Variants in NLRP5 observed in about 807,000 individuals in gnomAD.
NLRP5 encodes NACHT, LRR and PYD domains-containing protein 5.
A neutral mutation model predicts 113.1 loss-of-function variants in NLRP5; 93 were observed. The observed-to-expected ratio is 0.82, with a 90% CI of 0.70 to 0.98. NLRP5 has a LOEUF of 0.98. NLRP5 is among the 50% of genes least tolerant of loss of function. NLRP5 has a pLI of 0.00. For synonymous variants in NLRP5, 751 were observed against 600.7 expected (o/e 1.25, Z -3.66); for missense variants, 1,808 against 1,514.3 (o/e 1.19, Z -3.22).
chr19:56,009,339 C>CAAAAAAAAAAAAA lies in NLRP5; in HGVS notation c.508+494_508+506dup, dbSNP rs71296979. 4.9e-3 allele frequency among the ~76,000 whole-genome samples: 217 copies of CAAAAAAAAAAAAA among 44,260 alleles called. 29 individuals are homozygous for CAAAAAAAAAAAAA. The highest frequency in any genetic ancestry group is 0.012 in the African/African-American group (138 of 11,512). 29.0% of individuals were successfully genotyped at this position (44,260 alleles called of 152,430 possible). ...TGGGCGACAGAACGAGACTCCATCT[C>CAAAAAAAAAAAAA]AAAAAAAAAAAAAAAAAAAAGAGTT... On this transcript the variant is annotated intron_variant, in intron 3 of 14. Transcript: ENST00000390649.
At position 56,012,654 on chromosome 19, in the gene NLRP5, C is replaced by T. The variant is rs554493596; in HGVS notation, c.509-3088C>T. 7.8e-3 allele frequency among the ~76,000 whole-genome samples: 543 copies of T among 69,288 alleles called. 5 individuals carry two copies. The highest frequency in any genetic ancestry group is 0.024 in the African/African-American group (519 of 21,544). The allele number at this position is 69,288 out of a possible 152,430, so 45.5% of individuals were successfully genotyped here. On this transcript the variant is annotated intron_variant, in intron 3 of 14. Coordinates refer to ENST00000390649, the MANE Select transcript of NLRP5 (RefSeq NM_153447.4). ...TGTCTTACTTTTGCATAATTTGGAA[C>T]GATCTTACAATTATTTTCCTTGGAA...
chr19:56,055,788 G>C (rs1441048250), intron 13 of NLRP5, among the ~76,000 whole-genome samples: 2 of 151,860 alleles, frequency 1.3e-5, no homozygotes, highest in South Asian at 4.2e-4. Flanking sequence ...CTCATGATCT[G>C]CCCGCCTTGG....
Position 56,033,578 on chromosome 19 carries a change from C to T in NLRP5, c.2484C>T (p.His828=). ...CACAGATTACCCCTGGTGTGCAGCA[C>T]CTCTGGAGAATCGTCATGGCCAACC... Residue 828 remains histidine, a synonymous_variant, in exon 9 of 15, where the codon CAC becomes CAT. Transcript: ENST00000390649. 1 of 1,613,850 alleles carries T rather than the reference C, an allele frequency of 6.2e-7. No individual in the cohort carries two copies. The highest frequency in any genetic ancestry group is 8.5e-7 in the Non-Finnish European group (1 of 1,179,788).
At chr19:56,037,637 G>A (rs966200228) in intron 9 of NLRP5, among the ~76,000 whole-genome samples, 1 of 149,474 alleles carries the variant, frequency 6.7e-6, no homozygotes, top group African/African-American at 2.5e-5. Flanking sequence ...AGATTGCAGT[G>A]AGCCAAGATT....
At chr19:56,007,900 C>CGTGCGTGTGT (rs1212386693) in intron 2 of NLRP5, among the ~76,000 whole-genome samples, 1 of 79,424 alleles carries the variant, frequency 1.3e-5, no homozygotes, top group South Asian at 4.1e-4. Context: ...CGCGTGCGCG[C>CGTGCGTGTGT]GTGCGTGTGT....
intron 3 of NLRP5, among the ~76,000 whole-genome samples, chr19:56,012,447 C>G (rs1488682803): frequency 1.0e-5 from 1 of 97,110 alleles, no homozygotes; most frequent in Admixed American, 1.3e-4. Flanking sequence ...TGCGCCTTGG[C>G]CTTTTTTTTT....
intron 11 of NLRP5, among the ~76,000 whole-genome samples, chr19:56,049,595 G>T (rs182776067): frequency 6.6e-6 from 1 of 152,204 alleles, no homozygotes; most frequent in Admixed American, 6.5e-5. Context: ...ACAGGTGTGA[G>T]CCACCGTGCC....
Position 56,028,066 on chromosome 19 carries a change from C to T in NLRP5, c.1833C>T (p.Tyr611=), listed in dbSNP as rs757347403. The stretch of plus-strand genomic sequence containing the variant: ...TCGAGCCAGCTCTCTGCCCTCTGTA[C>T]GTTGAGAAGACAAAGAGGTCCATGG... The change falls in exon 7 of 15, where the codon TAC becomes TAT. Residue 611 remains tyrosine, a synonymous_variant. Coordinates refer to ENST00000390649, the MANE Select transcript of NLRP5 (RefSeq NM_153447.4). The T allele has an allele frequency of 1.4e-5, 23 of 1,613,888 alleles. No individual in the cohort carries two copies. Among genetic ancestry groups the T allele is most frequent in the Non-Finnish European group, 1.9e-5 (22 of 1,179,898 alleles).
intron 3 of NLRP5, 68 bp from the exon 4 acceptor site, chr19:56,015,674 C>A: frequency 3.0e-6 from 4 of 1,327,254 alleles, no homozygotes; most frequent in Non-Finnish European, 4.1e-6. Context: ...TCTGGGGTGT[C>A]CAACATCTCT....
intron 1 of NLRP5, among the ~76,000 whole-genome samples, chr19:56,003,434 G>A (rs113155989): frequency 0.16 from 23,629 of 152,124 alleles, 2,082 homozygotes; most frequent in East Asian, 0.31. Context: ...GATTACAGGC[G>A]TGAGCCACTG....
chr19:56,050,849 G>A (rs547745309), intron 12 of NLRP5, among the ~76,000 whole-genome samples: 39 of 152,314 alleles, frequency 2.6e-4, no homozygotes, highest in Non-Finnish European at 4.9e-4. Flanking sequence ...TCAGAGGAAG[G>A]CATCTTGCCC....
chr19:56,014,460 CAG>C (rs1305067091), intron 3 of NLRP5, among the ~76,000 whole-genome samples: 5 of 134,798 alleles, frequency 3.7e-5, no homozygotes, highest in African/African-American at 1.4e-4. Flanking sequence ...AGCCTGGTGA[CAG>C]AGAAACGCTC....
chr19:55,987,907 T>C, the NLRP5 span: 1 of 1,611,816 alleles, frequency 6.2e-7, no homozygotes, highest in Non-Finnish European at 8.5e-7. Context: ...CCCAGATTAA[T>C]CCTTAGGCCG....
chr19:56,024,398 A>T (rs1982738467), intron 6 of NLRP5, among the ~76,000 whole-genome samples: 2 of 123,354 alleles, frequency 1.6e-5, no homozygotes, highest in Non-Finnish European at 3.5e-5. Flanking sequence ...ATATATACAT[A>T]TATGTACATA....
chr19:56,024,501 GTATA>G (rs1407403585), intron 6 of NLRP5, among the ~76,000 whole-genome samples: 3 of 118,192 alleles, frequency 2.5e-5, no homozygotes, highest in Non-Finnish European at 5.3e-5. Flanking sequence ...ATATACATAT[GTATA>G]TGTATATGTG....
chr19:56,046,399 C>CAT (rs1555770181), intron 11 of NLRP5, among the ~76,000 whole-genome samples: 12 of 148,070 alleles, frequency 8.1e-5, no homozygotes, highest in Non-Finnish European at 1.6e-4. Context: ...TTTGTAGTTT[C>CAT]GTGTGTGTGT....
intron 5 of NLRP5, among the ~76,000 whole-genome samples, chr19:56,019,852 T>TC (rs2123292532): frequency 6.6e-6 from 1 of 151,006 alleles, no homozygotes; most frequent in South Asian, 2.1e-4. Flanking sequence ...TTTTTTTTTT[T>TC]TTGAGAAGGA....
chr19:56,056,669 C>T (rs1279514454), intron 13 of NLRP5, among the ~76,000 whole-genome samples: 3 of 152,232 alleles, frequency 2.0e-5, no homozygotes, highest in African/African-American at 7.2e-5. Flanking sequence ...TATACCATCA[C>T]TGATTTACCT....
intron 3 of NLRP5, among the ~76,000 whole-genome samples, chr19:56,014,381 G>A (rs1220949172): frequency 1.3e-5 from 2 of 151,756 alleles, no homozygotes; most frequent in African/African-American, 4.8e-5. Context: ...TTGAGAGAGT[G>A]AGGCAGGGGA....
Sources: gnomAD v4.1 joint callset for allele counts (sites outside exome capture counted in the v4.1 genomes callset) on GRCh38, gnomAD v4.1.1 for gene constraint, MANE v1.5 for transcripts, NCBI Gene and HGNC (gene_info 2026-07-23, HGNC 2026-07-21) for gene names.